Variants in ODF2L observed in about 807,000 individuals in gnomAD.
The protein encoded by ODF2L is protein BCAP.
A neutral mutation model predicts 86.3 loss-of-function variants in ODF2L; 76 were observed. The observed-to-expected ratio is 0.88, with a 90% CI of 0.73 to 1.07. The LOEUF (loss-of-function observed/expected upper bound fraction) is 1.07, where lower values mean the gene tolerates loss of function less well. Among genes scored for constraint, ODF2L ranks in the 50% least tolerant of loss-of-function variants. The pLI is 0.00. For missense variants in ODF2L, 748 were observed against 717.4 expected (o/e 1.04, Z -0.49); for synonymous variants, 241 against 231.3 (o/e 1.04, Z -0.38).
intron 1 of ODF2L, among the ~76,000 whole-genome samples, chr1:86,392,259 A>AT (rs1327354708): frequency 1.3e-5 from 2 of 152,192 alleles, no homozygotes; most frequent in Non-Finnish European, 2.9e-5. Flanking sequence ...TACAACCGCT[A>AT]TGGAAAACAG....
intron 2 of ODF2L, chr1:86,386,222 T>C (rs1359194503): frequency 1.3e-5 from 2 of 152,278 alleles, no homozygotes; most frequent in East Asian, 3.8e-4. Context: ...TTCCCCACTC[T>C]AAAGAAGTAT....
At chr1:86,394,138 A>C (rs1474886220) in intron 1 of ODF2L, among the ~76,000 whole-genome samples, 1 of 152,216 alleles carries the variant, frequency 6.6e-6, no homozygotes, top group Admixed American at 6.5e-5. Context: ...AAAAGCTATA[A>C]ATAAGTAAAT....
chr1:86,356,338 T>C (rs973100149), intron 14 of ODF2L, 106 bp downstream of exon 13: 5 of 797,948 alleles, frequency 6.3e-6, no homozygotes, highest in Non-Finnish European at 9.7e-6. Context: ...ACTAAGTAGA[T>C]GGGAATTTAA....
chr1:86,352,015 T>C (rs1570340822), exon 18 of ODF2L: 8 of 1,296,712 alleles, frequency 6.2e-6, no homozygotes, highest in African/African-American at 6.1e-5. Flanking sequence ...AAAAAAAGTT[T>C]AGAAATAAAT....
intron 13 of ODF2L, 58 bp from the exon 13 acceptor site, chr1:86,356,660 T>C: frequency 6.8e-7 from 1 of 1,471,260 alleles, no homozygotes; most frequent in Non-Finnish European, 9.2e-7. Flanking sequence ...TTAATATTTT[T>C]ATTATCTTAA....
chr1:86,373,456 G>A (rs1570399538), intron 8 of ODF2L, among the ~76,000 whole-genome samples: 1 of 148,082 alleles, frequency 6.8e-6, no homozygotes, highest in Admixed American at 6.8e-5. Flanking sequence ...ATATACACAT[G>A]CATATATAAA....
chr1:86,361,691 A>T (rs182009224), intron 11 of ODF2L, among the ~76,000 whole-genome samples: 2 of 152,304 alleles, frequency 1.3e-5, no homozygotes, highest in Admixed American at 6.5e-5. Context: ...AATAAAACAA[A>T]TATAAGATTA....
At chr1:86,352,033 C>T in exon 18 of ODF2L, 1 of 1,309,652 alleles carries the variant, frequency 7.6e-7, no homozygotes. Flanking sequence ...AATGGAAGGC[C>T]TGTGCTAAAT....
intron 11 of ODF2L, among the ~76,000 whole-genome samples, chr1:86,365,590 T>C (rs1659347495): frequency 6.6e-6 from 1 of 152,164 alleles, no homozygotes. Flanking sequence ...ACTAAACACA[T>C]TGTAAAATCT....
chr1:86,365,017 A>G (rs1381761933), intron 11 of ODF2L, among the ~76,000 whole-genome samples: 2 of 152,324 alleles, frequency 1.3e-5, no homozygotes, highest in Admixed American at 1.3e-4. Flanking sequence ...CAAACTTTAC[A>G]TAACTTAAAA....
exon 4 of ODF2L, chr1:86,384,796 A>T (rs1188689652): frequency 6.7e-7 from 1 of 1,503,110 alleles, no homozygotes. Flanking sequence ...ATGCAGAAAG[A>T]TTCGCCTGAC....
At chr1:86,348,102 C>A (rs1187060982), downstream of ODF2L, 2 of 151,852 alleles carry the variant, frequency 1.3e-5, no homozygotes, top group Admixed American at 6.6e-5. Flanking sequence ...AAAGAGAGTA[C>A]AAATTGAAGA....
At chr1:86,358,764 T>C in intron 13 of ODF2L, 23 bp downstream of exon 12, 1 of 955,602 alleles carries the variant, frequency 1.0e-6, no homozygotes, top group Non-Finnish European at 1.6e-6. Flanking sequence ...TAAAATATTA[T>C]TTATTTGAAA....
chr1:86,352,030 G>A, exon 18 of ODF2L: 1 of 1,307,456 alleles, frequency 7.6e-7, no homozygotes, highest in Non-Finnish European at 9.8e-7. Flanking sequence ...ATAAATGGAA[G>A]GCCTGTGCTA....
At chr1:86,358,108 A>C in intron 13 of ODF2L, 1 of 985,262 alleles carries the variant, frequency 1.0e-6, no homozygotes, top group Non-Finnish European at 1.2e-6. Flanking sequence ...TCTCAATCCT[A>C]AGATAGGGAG....
intron 13 of ODF2L, 125 bp downstream of exon 12, chr1:86,358,662 C>A: frequency 2.6e-6 from 1 of 387,118 alleles, no homozygotes; most frequent in Non-Finnish European, 4.6e-6. Context: ...CAAACTCTTA[C>A]AGAGGCTAAG....
intron 14 of ODF2L, chr1:86,355,276 C>T (rs543671456): frequency 4.9e-6 from 5 of 1,022,594 alleles, no homozygotes; most frequent in African/African-American, 1.6e-5. Context: ...TCTGTGAAGT[C>T]GAAACTGTAA....
At chr1:86,352,037 G>A in exon 18 of ODF2L, 1 of 1,305,290 alleles carries the variant, frequency 7.7e-7, no homozygotes, top group Non-Finnish European at 9.8e-7. Flanking sequence ...GAAGGCCTGT[G>A]CTAAATTAAA....
At chr1:86,395,035 G>A (rs879436516) in intron 1 of ODF2L, among the ~76,000 whole-genome samples, 1 of 151,922 alleles carries the variant, frequency 6.6e-6, no homozygotes, top group Non-Finnish European at 1.5e-5. Flanking sequence ...AGTAGAGACG[G>A]GGTTTCACCG....
Sources: allele counts gnomAD v4.1 joint callset (sites outside exome capture counted in the v4.1 genomes callset), GRCh38; gene constraint gnomAD v4.1.1; transcripts MANE v1.5; gene names NCBI Gene and HGNC (gene_info 2026-07-23, HGNC 2026-07-21).